The following RAB3GAP2 variants were observed in gnomAD, a reference collection of about 807,000 sequenced individuals.
RAB3GAP2 encodes the protein rab3 GTPase-activating protein non-catalytic subunit.
A neutral mutation model predicts 185.3 loss-of-function variants in RAB3GAP2; 87 were observed. The ratio of observed to expected loss-of-function variants is 0.47; its 90% CI spans 0.39 to 0.56. The LOEUF (loss-of-function observed/expected upper bound fraction) is 0.56. Among genes scored for constraint, RAB3GAP2 ranks in the 20% least tolerant of loss-of-function variants. The pLI is 0.00. For missense variants in RAB3GAP2, 1,492 were observed against 1,638.2 expected (o/e 0.91, Z 1.54); for synonymous variants, 554 against 576.1 (o/e 0.96, Z 0.55).
At chr1:220,214,526 A>AG (rs1370088722) in intron 2 of RAB3GAP2, among the ~76,000 whole-genome samples, 8 of 151,712 alleles carry the variant, frequency 5.3e-5, no homozygotes, top group Admixed American at 5.2e-4. Flanking sequence ...ACTCTGTCTC[A>AG]GGGAAAAAAA....
intron 20 of RAB3GAP2, among the ~76,000 whole-genome samples, 158 bp downstream of exon 20, chr1:220,182,560 T>G (rs1469530026): frequency 2.6e-5 from 4 of 152,238 alleles, no homozygotes; most frequent in Non-Finnish European, 5.9e-5. Context: ...TACAACCTGT[T>G]GACCAGAGTA....
intron 1 of RAB3GAP2, among the ~76,000 whole-genome samples, chr1:220,270,487 T>G (rs763452643): frequency 7.2e-5 from 11 of 152,212 alleles, no homozygotes; most frequent in Admixed American, 1.3e-4. Flanking sequence ...GTTGAAAATC[T>G]GTATCCTTCA....
intron 1 of RAB3GAP2, among the ~76,000 whole-genome samples, chr1:220,262,408 GA>G (rs200679672): frequency 6.6e-6 from 1 of 150,754 alleles, no homozygotes; most frequent in Non-Finnish European, 1.5e-5. Flanking sequence ...ACACTGTTGT[GA>G]AAAAAAAAGA....
At chr1:220,267,166 GT>G in intron 1 of RAB3GAP2, 1 of 1,099,356 alleles carries the variant, frequency 9.1e-7, no homozygotes, top group Non-Finnish European at 1.4e-6. Context: ...ATGAATAACT[GT>G]TTTTGAATGA....
intron 4 of RAB3GAP2, among the ~76,000 whole-genome samples, chr1:220,212,111 T>A (rs570323092): frequency 1.8e-4 from 27 of 152,318 alleles, no homozygotes; most frequent in African/African-American, 6.5e-4. Context: ...CTGGATATCA[T>A]GGTTACAAAA....
intron 2 of RAB3GAP2, among the ~76,000 whole-genome samples, chr1:220,227,927 T>G (rs931310442): frequency 2.0e-5 from 3 of 152,202 alleles, no homozygotes; most frequent in Non-Finnish European, 4.4e-5. Flanking sequence ...AATTTTTGTA[T>G]TTTTAGTTAG....
chr1:220,268,168 T>C (rs147833398), intron 1 of RAB3GAP2, among the ~76,000 whole-genome samples: 217 of 152,306 alleles, frequency 1.4e-3, no homozygotes, highest in African/African-American at 5.1e-3. Flanking sequence ...CAAAGGCAAA[T>C]ACCATCAGCA....
intron 18 of RAB3GAP2, among the ~76,000 whole-genome samples, chr1:220,185,180 G>A (rs12022336): frequency 0.048 from 7,307 of 152,222 alleles, 204 homozygotes; most frequent in African/African-American, 0.077. Flanking sequence ...AGTTTCAAGT[G>A]TAATCCTTTT....
chr1:220,204,789 A>G (rs1658930769), intron 8 of RAB3GAP2, among the ~76,000 whole-genome samples: 1 of 119,210 alleles, frequency 8.4e-6, no homozygotes, highest in Non-Finnish European at 1.6e-5. Flanking sequence ...TCCTGTGTCC[A>G]TGTGTTCTCA....
At chr1:220,210,638 T>C (rs1659065278) in intron 6 of RAB3GAP2, 149 bp from the exon 7 acceptor site, 1 of 978,242 alleles carries the variant, frequency 1.0e-6, no homozygotes. Context: ...TCTCTGTATC[T>C]TCTACCAGAA....
At chr1:220,224,660 G>A (rs926879286) in intron 2 of RAB3GAP2, among the ~76,000 whole-genome samples, 3 of 151,876 alleles carry the variant, frequency 2.0e-5, no homozygotes, top group African/African-American at 4.8e-5. Context: ...CTTTTTAAAG[G>A]CAAAACCAGT....
At chr1:220,234,057 C>G (rs1439176778) in intron 1 of RAB3GAP2, among the ~76,000 whole-genome samples, 1 of 152,190 alleles carries the variant, frequency 6.6e-6, no homozygotes, top group African/African-American at 2.4e-5. Context: ...CTAGCACTTA[C>G]TGTCTCTGTG....
At chr1:220,236,455 C>T (rs1370509603) in intron 1 of RAB3GAP2, among the ~76,000 whole-genome samples, 5 of 152,122 alleles carry the variant, frequency 3.3e-5, no homozygotes, top group Non-Finnish European at 7.4e-5. Context: ...GGATTATAGG[C>T]ATGAGACACT....
rs1658580646 is a variant in RAB3GAP2, at chr1:220,189,867, A to T, written c.1715-100T>A. 16 of 1,183,626 alleles carry T rather than the reference A, an allele frequency of 1.4e-5. No individual in the cohort carries two copies. The Admixed American group carries it at 2.2e-4, about 17-fold the overall frequency. The allele number at this position is 1,183,626 out of a possible 1,614,324, so 73.3% of individuals were successfully genotyped here. On this transcript the variant is annotated intron_variant, in intron 16 of 34. Transcript: ENST00000358951. ...CATATCTGTACTATCAGTGAGTCTA[A>T]AGGATTTTTGGGTTCTCTCACATTA...
At chr1:220,248,148 A>G (rs535222307) in intron 1 of RAB3GAP2, among the ~76,000 whole-genome samples, 1 of 152,300 alleles carries the variant, frequency 6.6e-6, no homozygotes, top group East Asian at 1.9e-4. Context: ...GAATAAAACT[A>G]TCTAGATAAA....
At chr1:220,165,279 C>CTATA (rs1658043075) in intron 26 of RAB3GAP2, among the ~76,000 whole-genome samples, 1 of 149,102 alleles carries the variant, frequency 6.7e-6, no homozygotes, top group African/African-American at 2.5e-5. Context: ...AGTGAGGGAC[C>CTATA]TATATAATAA....
At chr1:220,254,800 T>C (rs538057434) in intron 1 of RAB3GAP2, among the ~76,000 whole-genome samples, 4 of 152,002 alleles carry the variant, frequency 2.6e-5, no homozygotes, top group Non-Finnish European at 4.4e-5. Context: ...TATTGCCTAG[T>C]TGACAAAGCT....
In RAB3GAP2 at chr1:220,182,779, T is replaced by C. The variant is rs781715705; in HGVS notation, c.2151A>G (p.Leu717=). The C allele has an allele frequency of 7.4e-6, 12 of 1,612,838 alleles. No individual in the cohort carries two copies. Among genetic ancestry groups the C allele is most frequent in the African/African-American group, 1.3e-5 (1 of 74,918 alleles). ...VLPVKTFLEY[L]EYEKDVLNIK... ...TGTTGAGCACATCCTTTTCATATTC[T>C]AAATATTCCAAGAATGTTTTTACAG... Residue 717 remains leucine, a synonymous_variant, in exon 20 of 35, where the codon TTA becomes TTG. Transcript: ENST00000358951.
chr1:220,213,673 AT>A (rs1422536932), intron 3 of RAB3GAP2, among the ~76,000 whole-genome samples, 182 bp downstream of exon 3: 1 of 123,768 alleles, frequency 8.1e-6, no homozygotes, highest in Non-Finnish European at 1.6e-5. Context: ...AACAAACAGA[AT>A]GGAAGGGGGA....
Sources: gnomAD v4.1 joint callset for allele counts (sites outside exome capture counted in the v4.1 genomes callset) on GRCh38, gnomAD v4.1.1 for gene constraint, MANE v1.5 for transcripts, NCBI Gene and HGNC (gene_info 2026-07-23, HGNC 2026-07-21) for gene names.